TF: variants seen among roughly 807,000 people sequenced by gnomAD.
TF encodes serotransferrin.
Under a neutral mutation model 82.4 loss-of-function variants are expected in TF, and 55 were observed. That is an observed-to-expected ratio of 0.67 (90% confidence interval 0.54 to 0.84). The LOEUF (loss-of-function observed/expected upper bound fraction) is 0.84, where lower values mean the gene tolerates loss of function less well. TF is among the 40% of genes least tolerant of loss of function. TF has a pLI of 0.00. For synonymous variants in TF, 332 were observed against 332.6 expected, an observed-to-expected ratio of 1.00 and a Z score of 0.02; for missense variants, 737 against 868.4, an observed-to-expected ratio of 0.85 and a Z score of 1.90.
chr3:133,734,591 A>G, the TF span, among the ~76,000 whole-genome samples: 10 of 152,188 alleles, frequency 6.6e-5, no homozygotes, highest in Non-Finnish European at 1.3e-4. Context: ...TAAACAGATG[A>G]AGAAAGGGAA....
At chr3:133,695,351 G>A in the TF span, among the ~76,000 whole-genome samples, 3 of 150,230 alleles carry the variant, frequency 2.0e-5, no homozygotes, top group East Asian at 2.0e-4. Context: ...GGGTTCAAGC[G>A]ATTCTCCTGC....
At position 133,792,455 on chromosome 3, in the gene TF, T is replaced by G. The variant is rs746200598; in HGVS notation, c.*13835T>G. 2.0e-5 allele frequency: 3 copies of G among 152,212 alleles called. No individual in the cohort carries two copies. Among genetic ancestry groups the G allele is most frequent in the Non-Finnish European group, 2.9e-5 (2 of 68,026 alleles). 9.4% of individuals were successfully genotyped at this position (152,212 alleles called of 1,614,324 possible). ...CTCTTAACTCTACAACTTGCCTGCTTTACAGCTCGGTAAGGCCTGAGACAC... is the reference window on the plus strand; with the variant it reads ...CTCTTAACTCTACAACTTGCCTGCTGTACAGCTCGGTAAGGCCTGAGACAC... On this transcript the variant is annotated 3_prime_UTR_variant, in exon 17 of 17. Transcript: ENST00000402696.
chr3:133,704,285 G>T, the TF span: 1 of 229,056 alleles, frequency 4.4e-6, no homozygotes. Context: ...GGGAAATGTG[G>T]TCTGGTGCCT....
At chr3:133,711,839 AC>A in the TF span, among the ~76,000 whole-genome samples, 2 of 151,200 alleles carry the variant, frequency 1.3e-5, no homozygotes, top group South Asian at 4.2e-4. Flanking sequence ...AAGGGTCTGG[AC>A]CCTGCCCCCC....
chr3:133,705,657 T>C, the TF span, among the ~76,000 whole-genome samples: 3 of 152,208 alleles, frequency 2.0e-5, no homozygotes, highest in Non-Finnish European at 2.9e-5. Flanking sequence ...ACTATTGAGA[T>C]TGAGAAGCTC....
intron 15 of TF, 126 bp downstream of exon 15, chr3:133,775,743 T>G: frequency 1.0e-6 from 1 of 953,896 alleles, no homozygotes; most frequent in Non-Finnish European, 1.6e-6. Flanking sequence ...TTCCATGCAT[T>G]GTGCATTTCA....
chr3:133,764,918 A>G lies in TF; in HGVS notation c.1330+11A>G, dbSNP rs768745380. ...ATACACCAGAGGCAGGTGAGTTTGA[A>G]TTGGTAACCTCTGGAGTTAAAAGAT... On this transcript the variant is annotated intron_variant, in intron 11 of 16. Coordinates refer to ENST00000402696, the MANE Select transcript of TF (RefSeq NM_001063.4). The G allele has an allele frequency of 1.2e-6, 2 of 1,613,634 alleles. No homozygotes were observed. Among genetic ancestry groups the G allele is most frequent in the Admixed American group, 1.7e-5 (1 of 60,018 alleles).
the TF span, among the ~76,000 whole-genome samples, chr3:133,707,942 T>C: frequency 6.6e-6 from 1 of 152,194 alleles, no homozygotes; most frequent in South Asian, 2.1e-4. Context: ...AGTTGGGTTT[T>C]TAAATATTGG....
At chr3:133,759,154 T>C (rs1933915660) in intron 8 of TF, 21 bp from the exon 9 acceptor site, 1 of 1,614,046 alleles carries the variant, frequency 6.2e-7, no homozygotes, top group Non-Finnish European at 8.5e-7. Flanking sequence ...TTCTGATCTT[T>C]GTTCTTTTTT....
chr3:133,751,131 A>G lies in TF; in HGVS notation c.217-2464A>G, dbSNP rs8177202. 9.8e-3 allele frequency among the ~76,000 whole-genome samples: 1,488 copies of G among 152,344 alleles called. 29 individuals are homozygous for G. The highest frequency in any genetic ancestry group is 0.034 in the African/African-American group (1,396 of 41,554). ...AAATGATGAAATATTTTTAGCCTTA[A>G]AAATAAATGAAACTCTGATATATGC... On this transcript the variant is annotated intron_variant, in intron 2 of 16. Coordinates refer to ENST00000402696, the MANE Select transcript of TF (RefSeq NM_001063.4).
In TF at chr3:133,781,180, G is replaced by C. The variant is rs1934508049; in HGVS notation, c.*2560G>C. On this transcript the variant is annotated 3_prime_UTR_variant, in exon 17 of 17. Transcript: ENST00000402696. ...TTAAAATAAAAATTAGCCGGGCGTA[G>C]TGGTGCATGCCTGTAATCCCAGCTA... 6.6e-6 allele frequency: 1 copy of C among 152,082 alleles called. No homozygotes were observed. The allele number at this position is 152,082 out of a possible 1,614,324, so 9.4% of individuals were successfully genotyped here.
chr3:133,754,279 T>A (rs891581043), intron 3 of TF, among the ~76,000 whole-genome samples: 55 of 152,336 alleles, frequency 3.6e-4, no homozygotes, highest in African/African-American at 1.3e-3. Context: ...TTCTTGCCCC[T>A]GTTTGCCTGG....
chr3:133,693,781 G>C, the TF span, among the ~76,000 whole-genome samples: 1 of 152,202 alleles, frequency 6.6e-6, no homozygotes, highest in Non-Finnish European at 1.5e-5. Context: ...GGTAAAGAAG[G>C]ACTATTTGGG....
intron 16 of TF, chr3:133,777,941 C>T: frequency 6.4e-6 from 1 of 156,784 alleles, no homozygotes; most frequent in Non-Finnish European, 1.4e-5. Context: ...GGCAGTTAGT[C>T]TTTCCACAGG....
In TF at chr3:133,779,530, T is replaced by C. The variant is rs1934472275; in HGVS notation, c.*910T>C. The C allele has an allele frequency of 1.3e-5, 2 of 152,334 alleles. No individual in the cohort carries two copies. The highest frequency in any genetic ancestry group is 3.8e-4 in the East Asian group (2 of 5,202). 9.4% of individuals were successfully genotyped at this position (152,334 alleles called of 1,614,324 possible). A position where few individuals can be genotyped will look rare whatever the true frequency, so the allele number is the denominator to read the frequency against. On this transcript the variant is annotated 3_prime_UTR_variant, in exon 17 of 17. Coordinates refer to ENST00000402696, the MANE Select transcript of TF (RefSeq NM_001063.4). ...TTTCTCTGACATGGCAGGTCTCTGC[T>C]TTGATTCCTACCTCTCTCTGTTCAT...
rs4854762 is a variant in TF at position 133,780,219 on chromosome 3, G to A, written c.*1599G>A. ...CCTGCTTTCCTCTGAGCCTATCAACGATCTGCCTTATTTAATATTAACCTA... is the reference window on the plus strand; with the variant it reads ...CCTGCTTTCCTCTGAGCCTATCAACAATCTGCCTTATTTAATATTAACCTA... On this transcript the variant is annotated 3_prime_UTR_variant, in exon 17 of 17. Transcript: ENST00000402696. The A allele has an allele frequency of 0.32, 48,376 of 152,002 alleles. 8,071 individuals are homozygous for A. The highest frequency in any genetic ancestry group is 0.42 in the South Asian group (2,027 of 4,806). The allele number at this position is 152,002 out of a possible 1,614,324, so 9.4% of individuals were successfully genotyped here.
chr3:133,766,194 C>A, intron 11 of TF, 84 bp from the exon 12 acceptor site: 1 of 1,349,018 alleles, frequency 7.4e-7, no homozygotes, highest in Non-Finnish European at 1.1e-6. Flanking sequence ...GATATCTTTG[C>A]TTCCCTAGGG....
the TF span, among the ~76,000 whole-genome samples, chr3:133,718,946 G>A: frequency 6.6e-6 from 1 of 152,190 alleles, no homozygotes; most frequent in East Asian, 1.9e-4. Context: ...AAATGTGAAT[G>A]GGAGTGATTG....
rs994062516 is a variant in TF, at chr3:133,764,295, T to G, written c.1297+20T>G. ...ACAATAGTAAGTGGTGGGGAGCACC[T>G]CTCTGTGTTTTCTTCCCTCAGGGCC... On this transcript the variant is annotated intron_variant, in intron 10 of 16. Transcript: ENST00000402696. The G allele has an allele frequency of 2.5e-6, 4 of 1,592,402 alleles. No homozygotes were observed. Among genetic ancestry groups the G allele is most frequent in the African/African-American group, 1.3e-5 (1 of 74,586 alleles).
Sources: gnomAD v4.1 joint callset for allele counts (sites outside exome capture counted in the v4.1 genomes callset) on GRCh38, gnomAD v4.1.1 for gene constraint, MANE v1.5 for transcripts, NCBI Gene and HGNC (gene_info 2026-07-23, HGNC 2026-07-21) for gene names.